Variants in NALF1 observed in about 807,000 individuals in gnomAD.
NALF1 encodes the protein family with sequence similarity 155 member A.
A neutral mutation model predicts 48.4 loss-of-function variants in NALF1; 3 were observed. That is an observed-to-expected ratio of 0.06 (90% CI 0.03 to 0.16). The LOEUF is 0.16. Ranked by LOEUF, NALF1 falls within the 10% of genes least tolerant of loss-of-function variation. NALF1 has a pLI of 1.00. For synonymous variants in NALF1, 262 were observed against 245.7 expected, an observed-to-expected ratio of 1.07 and a Z score of -0.62; for missense variants, 526 against 571.5, an observed-to-expected ratio of 0.92 and a Z score of 0.81.
At chr13:107,360,783 G>A (rs1052702570) in intron 1 of NALF1, among the ~76,000 whole-genome samples, 6 of 152,106 alleles carry the variant, frequency 3.9e-5, no homozygotes, top group African/African-American at 1.4e-4. Flanking sequence ...AAACTAGAAT[G>A]CAACAATTGT....
At chr13:107,739,701 G>C (rs553931907) in intron 1 of NALF1, among the ~76,000 whole-genome samples, 1 of 152,212 alleles carries the variant, frequency 6.6e-6, no homozygotes, top group African/African-American at 2.4e-5. Context: ...GGTCCATTAG[G>C]AACGGGGCCA....
At chr13:107,191,124 C>T (rs1014822575) in intron 2 of NALF1, among the ~76,000 whole-genome samples, 5 of 152,154 alleles carry the variant, frequency 3.3e-5, no homozygotes, top group African/African-American at 9.7e-5. Context: ...CTTCATCTGA[C>T]GGCTCCTTGG....
At chr13:107,838,660 T>C (rs758697969) in intron 1 of NALF1, among the ~76,000 whole-genome samples, 2 of 152,142 alleles carry the variant, frequency 1.3e-5, no homozygotes, top group African/African-American at 4.8e-5. Context: ...TAGAGATCTG[T>C]TTTATTCAAG....
chr13:107,673,833 A>G (rs1422506889), intron 1 of NALF1, among the ~76,000 whole-genome samples: 1 of 152,174 alleles, frequency 6.6e-6, no homozygotes, highest in Non-Finnish European at 1.5e-5. Flanking sequence ...AAATAATAGT[A>G]ATAATGAAGA....
chr13:107,680,632 G>A (rs984909874), intron 1 of NALF1, among the ~76,000 whole-genome samples: 1 of 38,392 alleles, frequency 2.6e-5, no homozygotes, highest in African/African-American at 5.5e-5. Flanking sequence ...ATGTTTGTGA[G>A]AGTGTGAAAG....
chr13:107,652,875 G>A (rs1319011359), intron 1 of NALF1, among the ~76,000 whole-genome samples: 1 of 151,996 alleles, frequency 6.6e-6, no homozygotes, highest in African/African-American at 2.4e-5. Flanking sequence ...TTCACAATAT[G>A]GAAACATCAA....
chr13:107,634,170 TG>T (rs1879913028), intron 1 of NALF1, among the ~76,000 whole-genome samples: 1 of 151,840 alleles, frequency 6.6e-6, no homozygotes, highest in African/African-American at 2.4e-5. Context: ...CCAGAAAAAA[TG>T]TATTTAGTGA....
At chr13:107,497,418 G>A (rs16970309) in intron 1 of NALF1, among the ~76,000 whole-genome samples, 1 of 152,022 alleles carries the variant, frequency 6.6e-6, no homozygotes, top group Admixed American at 6.6e-5. Context: ...TGTATATCAT[G>A]ATTCATTATG....
At position 107,384,903 on chromosome 13, in the gene NALF1, G is replaced by C. The variant is rs77932892; in HGVS notation, c.916-174148C>G. Among the ~76,000 whole-genome samples, 501 of 152,322 alleles carry C rather than the reference G, an allele frequency of 3.3e-3. 3 individuals are homozygous for C. Among genetic ancestry groups the C allele is most frequent in the African/African-American group, 0.011 (444 of 41,574 alleles). ...TTATACCATTAAGATTGGGAGTCAGGCTGCCTGAGTTAAAAGCTCAGATCC... is the reference window on the plus strand; with the variant it reads ...TTATACCATTAAGATTGGGAGTCAGCCTGCCTGAGTTAAAAGCTCAGATCC... On this transcript the variant is annotated intron_variant, in intron 1 of 2. Transcript: ENST00000375915.
chr13:107,744,635 T>C (rs1217321057), intron 1 of NALF1, among the ~76,000 whole-genome samples: 3 of 152,164 alleles, frequency 2.0e-5, no homozygotes, highest in African/African-American at 7.2e-5. Flanking sequence ...CAAAACAACC[T>C]TGAATTATAT....
At chr13:107,462,740 C>G (rs1884939459) in intron 1 of NALF1, among the ~76,000 whole-genome samples, 1 of 152,236 alleles carries the variant, frequency 6.6e-6, no homozygotes, top group Non-Finnish European at 1.5e-5. Flanking sequence ...TCCTTGGCAG[C>G]TACACTTTGT....
intron 1 of NALF1, among the ~76,000 whole-genome samples, chr13:107,551,987 G>A: frequency 6.6e-6 from 1 of 152,022 alleles, no homozygotes; most frequent in East Asian, 1.9e-4. Context: ...GCTGTTAAAG[G>A]TTAATAAACA....
chr13:107,346,115 A>T (rs1310381696), intron 1 of NALF1, among the ~76,000 whole-genome samples: 1 of 152,026 alleles, frequency 6.6e-6, no homozygotes, highest in Non-Finnish European at 1.5e-5. Context: ...ACAGAAAATA[A>T]CACACATTGG....
At chr13:107,220,387 C>T (rs1297007318) in intron 1 of NALF1, among the ~76,000 whole-genome samples, 1 of 152,178 alleles carries the variant, frequency 6.6e-6, no homozygotes, top group Non-Finnish European at 1.5e-5. Context: ...CTATTTAAAC[C>T]TGGTCTGCAT....
Position 107,446,178 on chromosome 13 carries a change from C to G in NALF1, c.916-235423G>C, listed in dbSNP as rs533115619. On this transcript the variant is annotated intron_variant, in intron 1 of 2. Coordinates refer to ENST00000375915, the MANE Select transcript of NALF1 (RefSeq NM_001080396.3). ...GGTCTCGATCTCTTGACCTTGTGAT[C>G]TGCCCACCTCAGGCTCCCAAAGTGC... 5.9e-5 allele frequency among the ~76,000 whole-genome samples: 9 copies of G among 152,288 alleles called. No homozygotes were observed. In the East Asian group the frequency reaches 1.7e-3, roughly 29 times the overall value.
chr13:107,518,497 G>A (rs1043378834), intron 1 of NALF1, among the ~76,000 whole-genome samples: 3 of 152,004 alleles, frequency 2.0e-5, no homozygotes, highest in Non-Finnish European at 4.4e-5. Context: ...TGTTTTTCAC[G>A]TGTGCATTTG....
Position 107,861,709 on chromosome 13 carries a change from G to A in NALF1, c.915+3973C>T, listed in dbSNP as rs187684690. ...TGAAGCAGGAGAATCGCTTGAACCC[G>A]GGAGGTGGAAGTTGAATGAGCCAAC... On this transcript the variant is annotated intron_variant, in intron 1 of 2. Coordinates refer to ENST00000375915, the MANE Select transcript of NALF1 (RefSeq NM_001080396.3). Among the ~76,000 whole-genome samples, 646 of 152,322 alleles carry A rather than the reference G, an allele frequency of 4.2e-3. 2 individuals are homozygous for A. The highest frequency in any genetic ancestry group is 0.014 in the African/African-American group (593 of 41,566).
intron 1 of NALF1, among the ~76,000 whole-genome samples, chr13:107,426,053 G>A (rs1001132078): frequency 6.6e-6 from 1 of 151,940 alleles, no homozygotes; most frequent in Non-Finnish European, 1.5e-5. Context: ...GACCTTACTC[G>A]CTGCTGTGCA....
chr13:107,209,522 C>T (rs892368880), intron 2 of NALF1, among the ~76,000 whole-genome samples: 1 of 151,714 alleles, frequency 6.6e-6, no homozygotes, highest in Non-Finnish European at 1.5e-5. Flanking sequence ...GAAAGAAATA[C>T]TCATCCAGTT....
Sources: gnomAD v4.1 joint callset for allele counts (sites outside exome capture counted in the v4.1 genomes callset) on GRCh38, gnomAD v4.1.1 for gene constraint, MANE v1.5 for transcripts, NCBI Gene and HGNC (gene_info 2026-07-23, HGNC 2026-07-21) for gene names.